B3GALT1: variants seen among roughly 807,000 people sequenced by gnomAD.
B3GALT1 encodes the protein beta-1,3-galactosyltransferase 1, also known as UDP-Gal:betaGlcNAc beta 1,3-galactosyltransferase, polypeptide 1.
B3GALT1 carries 10 observed loss-of-function variants against 23.2 expected under a neutral mutation model. That is an observed-to-expected ratio of 0.43 (90% confidence interval 0.27 to 0.73). B3GALT1 has a LOEUF of 0.73. B3GALT1 is among the 30% of genes least tolerant of loss of function. The pLI, the probability that B3GALT1 is intolerant of heterozygous loss-of-function variation, is 0.21. For synonymous variants in B3GALT1, 156 were observed against 141.5 expected (o/e 1.10, Z -0.73); for missense variants, 299 against 405.4 (o/e 0.74, Z 2.25).
chr2:167,718,801 A>AGG, intron 3 of B3GALT1, among the ~76,000 whole-genome samples: 1 of 152,200 alleles, frequency 6.6e-6, no homozygotes, highest in East Asian at 1.9e-4. Flanking sequence ...CTGTCACATG[A>AGG]GGGTGTTCAG....
intron 3 of B3GALT1, among the ~76,000 whole-genome samples, chr2:167,703,500 A>ATTATC (rs3062764): frequency 0.67 from 101,579 of 151,482 alleles, 34,283 homozygotes; most frequent in East Asian, 0.87. Context: ...AAGGATTAAA[A>ATTATC]TTAAGGTTAA....
At chr2:167,332,010 G>A (rs1209203775) in intron 1 of B3GALT1, among the ~76,000 whole-genome samples, 1 of 152,146 alleles carries the variant, frequency 6.6e-6, no homozygotes, top group Non-Finnish European at 1.5e-5. Flanking sequence ...GGTGAGGTGG[G>A]GGCTATGTTC....
intron 2 of B3GALT1, among the ~76,000 whole-genome samples, chr2:167,576,387 T>C (rs1015222414): frequency 6.6e-6 from 1 of 151,796 alleles, no homozygotes; most frequent in Non-Finnish European, 1.5e-5. Context: ...ATTAAACTGC[T>C]CTGATTGCTT....
intron 1 of B3GALT1, among the ~76,000 whole-genome samples, chr2:167,440,780 GT>G (rs1040877199): frequency 8.6e-5 from 13 of 151,668 alleles, no homozygotes; most frequent in Non-Finnish European, 1.6e-4. Context: ...TTATCTCATA[GT>G]TTTTTAAGTA....
intron 1 of B3GALT1, among the ~76,000 whole-genome samples, chr2:167,398,559 A>T (rs931504787): frequency 6.6e-6 from 1 of 152,162 alleles, no homozygotes; most frequent in Non-Finnish European, 1.5e-5. Context: ...GAAAGGTAAA[A>T]TGAAGAACAA....
At chr2:167,852,672 G>C (rs896277022) in intron 4 of B3GALT1, among the ~76,000 whole-genome samples, 1 of 152,090 alleles carries the variant, frequency 6.6e-6, no homozygotes, top group African/African-American at 2.4e-5. Flanking sequence ...GCTAGGCATG[G>C]GGAAAGATAC....
chr2:167,363,956 C>T (rs962867541), intron 1 of B3GALT1, among the ~76,000 whole-genome samples: 37 of 151,888 alleles, frequency 2.4e-4, no homozygotes, highest in Non-Finnish European at 4.0e-4. Context: ...GTCAGGAGTT[C>T]AAGACCAGCC....
intron 1 of B3GALT1, among the ~76,000 whole-genome samples, chr2:167,384,126 C>T (rs899752358): frequency 4.6e-5 from 7 of 152,006 alleles, no homozygotes; most frequent in Non-Finnish European, 1.0e-4. Context: ...AGCGAAAAAC[C>T]GTGATTCCTT....
chr2:167,745,977 T>C (rs1687646048), intron 3 of B3GALT1, among the ~76,000 whole-genome samples: 1 of 152,196 alleles, frequency 6.6e-6, no homozygotes, highest in Non-Finnish European at 1.5e-5. Flanking sequence ...ATAATTCTCA[T>C]TTTCTTATGT....
intron 3 of B3GALT1, among the ~76,000 whole-genome samples, chr2:167,798,000 G>A (rs112882021): frequency 1.1e-3 from 171 of 152,240 alleles, no homozygotes; most frequent in Non-Finnish European, 1.9e-3. Context: ...CACCATGCCC[G>A]GCCCCTCATT....
At chr2:167,578,014 T>A (rs1269756035) in intron 2 of B3GALT1, among the ~76,000 whole-genome samples, 5 of 151,884 alleles carry the variant, frequency 3.3e-5, no homozygotes, top group African/African-American at 1.2e-4. Context: ...AATCAAAAAT[T>A]TTTTTTACCC....
intron 1 of B3GALT1, among the ~76,000 whole-genome samples, chr2:167,450,600 G>T (rs1163750486): frequency 6.6e-6 from 1 of 152,156 alleles, no homozygotes; most frequent in Non-Finnish European, 1.5e-5. Flanking sequence ...AGGTTACCTG[G>T]TGCTTTTGCC....
At chr2:167,719,281 T>C (rs903826885) in intron 3 of B3GALT1, among the ~76,000 whole-genome samples, 2 of 152,224 alleles carry the variant, frequency 1.3e-5, no homozygotes, top group African/African-American at 4.8e-5. Context: ...ATTTTTGAGA[T>C]GCTTTTAAAT....
intron 3 of B3GALT1, among the ~76,000 whole-genome samples, chr2:167,650,868 A>G (rs750714414): frequency 1.1e-4 from 17 of 152,288 alleles, no homozygotes; most frequent in Non-Finnish European, 1.9e-4. Context: ...AAGTAAATCT[A>G]AATGGAAATA....
At chr2:167,825,437 GGTGTGT>G (rs111721100) in intron 4 of B3GALT1, among the ~76,000 whole-genome samples, 20 of 144,566 alleles carry the variant, frequency 1.4e-4, no homozygotes, top group Non-Finnish European at 2.3e-4. Context: ...TATATGCAGG[GGTGTGT>G]GTGTGTGTGT....
At chr2:167,314,094 T>A (rs1009220722) in intron 1 of B3GALT1, among the ~76,000 whole-genome samples, 7 of 152,238 alleles carry the variant, frequency 4.6e-5, no homozygotes, top group Admixed American at 4.6e-4. Context: ...TGTGATGTGC[T>A]TTTGAACCGA....
At chr2:167,345,557 C>T (rs1470732364) in intron 1 of B3GALT1, among the ~76,000 whole-genome samples, 5 of 152,092 alleles carry the variant, frequency 3.3e-5, no homozygotes, top group Non-Finnish European at 7.4e-5. Context: ...ATCAGACCAG[C>T]TTAGAAGAGT....
rs535369991 is a variant in B3GALT1 at position 167,303,682 on chromosome 2, C to CACACACACACAGAGAG, written c.-511+10349_-511+10350insCACACACACAGAGAGA. Among the ~76,000 whole-genome samples the CACACACACACAGAGAG allele has an allele frequency of 5.1e-3, 765 of 148,752 alleles. 10 individuals are homozygous for CACACACACACAGAGAG. Among genetic ancestry groups the CACACACACACAGAGAG allele is most frequent in the East Asian group, 0.025 (119 of 4,830 alleles). Reference sequence around the variant, plus strand: ...ACACACACACACACACACACACACACAGAGAGAGACCTTGTTGCTGCCATT... The same window carrying CACACACACACAGAGAG: ...ACACACACACACACACACACACACACACACACACACAGAGAGAGAGAGAGACCTTGTTGCTGCCATT... On this transcript the variant is annotated intron_variant, in intron 1 of 4. Coordinates refer to ENST00000392690, the MANE Select transcript of B3GALT1 (RefSeq NM_020981.4).
At chr2:167,769,334 T>C (rs192211781) in intron 3 of B3GALT1, among the ~76,000 whole-genome samples, 3 of 152,314 alleles carry the variant, frequency 2.0e-5, no homozygotes, top group African/African-American at 7.2e-5. Context: ...TCACCAAAGC[T>C]AACCAAGGAA....
Sources: allele counts gnomAD v4.1 joint callset (sites outside exome capture counted in the v4.1 genomes callset), GRCh38; gene constraint gnomAD v4.1.1; transcripts MANE v1.5; gene names NCBI Gene and HGNC (gene_info 2026-07-23, HGNC 2026-07-21).